The following ERCC4 variants were observed in gnomAD, a reference collection of about 807,000 sequenced individuals.
ERCC4 encodes the protein DNA repair endonuclease XPF.
Under a neutral mutation model 76.9 loss-of-function variants are expected in ERCC4, and 65 were observed. The observed-to-expected ratio is 0.84, with a 90% confidence interval of 0.69 to 1.04. The LOEUF (loss-of-function observed/expected upper bound fraction) is 1.04. Ranked by LOEUF, ERCC4 falls within the 50% of genes least tolerant of loss-of-function variation. The pLI is 0.00. For missense variants in ERCC4, 1,214 were observed against 1,128.2 expected (o/e 1.08, Z -1.09); for synonymous variants, 463 against 410.1 (o/e 1.13, Z -1.56).
chr16:13,932,092 C>A, intron 5 of ERCC4, 65 bp from the exon 6 acceptor site: 2 of 1,384,896 alleles, frequency 1.4e-6, no homozygotes, highest in Non-Finnish European at 1.0e-6. Context: ...GTCATGTGAC[C>A]ATCAGAGACT....
intron 6 of ERCC4, chr16:13,932,863 GGT>G (rs1053646908): frequency 2.5e-5 from 5 of 201,600 alleles, no homozygotes; most frequent in Non-Finnish European, 5.1e-5. Flanking sequence ...TGGCCAATAT[GGT>G]GAAACCCCGT....
At chr16:13,944,627 A>T in intron 9 of ERCC4, 96 bp from the exon 10 acceptor site, 1 of 816,886 alleles carries the variant, frequency 1.2e-6, no homozygotes, top group Non-Finnish European at 2.1e-6. Flanking sequence ...TACTGCTATC[A>T]TCATGTAGAT....
Position 13,928,180 on chromosome 16 carries a change from C to T in ERCC4, c.737C>T (p.Ser246Leu), listed in dbSNP as rs370864937. The change falls in exon 4 of 11, where the codon TCG (serine) becomes TTG (leucine). Residue 246 changes from serine (S) to leucine (L), a missense_variant. Ser to Leu is a moderately radical substitution (Grantham distance 145, BLOSUM62 -2). Transcript: ENST00000311895. ...AAGGAACTAAAATGCCATAACCCAT[C>T]GCTTGAAGTGGAAGATTTATCTTTA... ...CLKELKCHNPSLEVEDLSLEN... is the reference protein window; with the variant it reads ...CLKELKCHNPLLEVEDLSLEN... 31 of 1,613,548 alleles carry T rather than the reference C, an allele frequency of 1.9e-5. No homozygotes were observed. Among genetic ancestry groups the T allele is most frequent in the Non-Finnish European group, 2.5e-5 (29 of 1,179,782 alleles).
At chr16:13,933,300 C>G (rs956372068) in intron 6 of ERCC4, 1 of 158,424 alleles carries the variant, frequency 6.3e-6, no homozygotes, top group Non-Finnish European at 1.4e-5. Context: ...TAGAATGAGG[C>G]AAATATGGGT....
chr16:13,946,151 C>T (rs2032508635), intron 10 of ERCC4, among the ~76,000 whole-genome samples: 1 of 152,228 alleles, frequency 6.6e-6, no homozygotes, highest in African/African-American at 2.4e-5. Context: ...CTTCTCTGAT[C>T]ATCCTGCCTC....
intron 9 of ERCC4, among the ~76,000 whole-genome samples, chr16:13,940,846 G>A (rs540362628): frequency 1.1e-4 from 17 of 152,284 alleles, no homozygotes; most frequent in Admixed American, 2.0e-4. Flanking sequence ...AGCCTTTCTT[G>A]GAAACATGCA....
At chr16:13,927,678 C>T in intron 3 of ERCC4, 1 of 236,214 alleles carries the variant, frequency 4.2e-6, no homozygotes, top group Non-Finnish European at 8.3e-6. Context: ...TTGGGCTTTG[C>T]AGGCCATATA....
intron 8 of ERCC4, among the ~76,000 whole-genome samples, chr16:13,937,018 C>T (rs542305920): frequency 6.6e-6 from 1 of 150,952 alleles, no homozygotes; most frequent in African/African-American, 2.4e-5. Context: ...CTTTCCCTGA[C>T]TCACGTGATT....
At chr16:13,946,494 C>CGGGATCACT (rs1049420472) in intron 10 of ERCC4, among the ~76,000 whole-genome samples, 1 of 152,146 alleles carries the variant, frequency 6.6e-6, no homozygotes, top group Non-Finnish European at 1.5e-5. Context: ...TGTGATCTTA[C>CGGGATCACT]GGGATCACTG....
In ERCC4 at chr16:13,949,927, G is replaced by A. The variant is rs1001681266; in HGVS notation, c.*1580G>A. On this transcript the variant is annotated 3_prime_UTR_variant, in exon 11 of 11. Transcript: ENST00000311895. ...TTTGAACTAATAGACAGTGGATCAT[G>A]TAACACAAAATTGTCTTCAACTTTA... The A allele has an allele frequency of 8.6e-6, 2 of 231,678 alleles. No homozygotes were observed. The highest frequency in any genetic ancestry group is 1.7e-5 in the Non-Finnish European group (2 of 117,186). The allele number at this position is 231,678 out of a possible 1,614,324, so 14.4% of individuals were successfully genotyped here.
intron 4 of ERCC4, 99 bp downstream of exon 4, chr16:13,928,334 A>G: frequency 2.3e-6 from 2 of 861,966 alleles, no homozygotes; most frequent in Non-Finnish European, 3.7e-6. Flanking sequence ...ATTTGCTGTT[A>G]TTTAAGAATA....
chr16:13,922,641 C>CT, intron 2 of ERCC4: 1 of 540,168 alleles, frequency 1.9e-6, no homozygotes, highest in Non-Finnish European at 3.4e-6. Context: ...GGCCGCAGCC[C>CT]TTTTTGGCAT....
chr16:13,922,932 G>A (rs1240876912), intron 2 of ERCC4, among the ~76,000 whole-genome samples: 1 of 152,108 alleles, frequency 6.6e-6, no homozygotes, highest in Non-Finnish European at 1.5e-5. Context: ...CTTGCAATTC[G>A]TTAGCATTTG....
intron 2 of ERCC4, among the ~76,000 whole-genome samples, chr16:13,923,591 G>A (rs3136065): frequency 0.36 from 55,200 of 151,978 alleles, 10,332 homozygotes; most frequent in African/African-American, 0.44. Context: ...GGCTCACCTG[G>A]TTTTGAATGC....
intron 9 of ERCC4, among the ~76,000 whole-genome samples, chr16:13,938,247 G>A (rs1454602860): frequency 6.6e-6 from 1 of 152,066 alleles, no homozygotes; most frequent in South Asian, 2.1e-4. Context: ...TGGGTGGGTG[G>A]CTGCTTTACC....
At chr16:13,923,571 C>A (rs2032018812) in intron 2 of ERCC4, among the ~76,000 whole-genome samples, 1 of 152,152 alleles carries the variant, frequency 6.6e-6, no homozygotes, top group African/African-American at 2.4e-5. Flanking sequence ...TTGTTATAAA[C>A]AGTATCATAG....
rs2032487776 is a variant in ERCC4 at position 13,944,927 on chromosome 16, CAAA to C, written c.2017+93_2017+95del. The stretch of plus-strand genomic sequence containing the variant: ...TCTGCCAAGGCTTGGTCTGTATTAA[CAAA>C]CTCTTAAAAATGGGGGTTGGGCCAA... On this transcript the variant is annotated intron_variant, in intron 10 of 10. Transcript: ENST00000311895. 14 of 820,474 alleles carry C rather than the reference CAAA, an allele frequency of 1.7e-5. 1 individual carries two copies. The allele number at this position is 820,474 out of a possible 1,614,324, so 50.8% of individuals were successfully genotyped here. A position where few individuals can be genotyped will look rare whatever the true frequency, so the allele number is the denominator to read the frequency against.
In ERCC4 at chr16:13,947,930, G is replaced by T; in HGVS notation, c.2334G>T (p.Glu778Asp). The change falls in exon 11 of 11, where the codon GAG (glutamate) becomes GAT (aspartate). Residue 778 changes from glutamate (E) to aspartate (D), a missense_variant. By Grantham distance (45) the Glu-to-Asp change is conservative. Transcript: ENST00000311895. The stretch of plus-strand genomic sequence containing the variant: ...CTTCCCGAGGTGCCTTGTTTCAGGA[G>T]ATCTCCAGCAATGACATTAGTTCCA... ...SLTSRGALFQ[E>D]ISSNDISSKL... is the part of the protein sequence containing the mutation. The T allele has an allele frequency of 6.2e-7, 1 of 1,614,088 alleles. No homozygotes were observed. The highest frequency in any genetic ancestry group is 8.5e-7 in the Non-Finnish European group (1 of 1,180,018).
chr16:13,937,794 A>G lies in ERCC4; in HGVS notation c.1840A>G (p.Thr614Ala), dbSNP rs771383745. 6 of 1,613,388 alleles carry G rather than the reference A, an allele frequency of 3.7e-6. No individual in the cohort carries two copies. The highest frequency in any genetic ancestry group is 1.7e-5 in the Admixed American group (1 of 59,994). Residue 614 changes from threonine to alanine, a missense_variant, in exon 9 of 11, where the codon ACT becomes GCT. Physicochemically the swap from Thr to Ala is moderately conservative, Grantham distance 58. Coordinates refer to ENST00000311895, the MANE Select transcript of ERCC4 (RefSeq NM_005236.3). ...RVYFLIYGGSTEEQRYLTALR... is the reference protein window; with the variant it reads ...RVYFLIYGGSAEEQRYLTALR... The stretch of plus-strand genomic sequence containing the variant: ...TTACTTTCTTATATACGGAGGTTCA[A>G]CTGAGGAACAACGCTATCTCACTGC...
Sources: allele counts gnomAD v4.1 joint callset (sites outside exome capture counted in the v4.1 genomes callset), GRCh38; gene constraint gnomAD v4.1.1; transcripts MANE v1.5; gene names NCBI Gene and HGNC (gene_info 2026-07-23, HGNC 2026-07-21).